The following THSD7A variants were observed in gnomAD, a reference collection of about 807,000 sequenced individuals.
THSD7A encodes thrombospondin type-1 domain-containing protein 7A.
Under a neutral mutation model 231.3 loss-of-function variants are expected in THSD7A, and 96 were observed. The observed-to-expected ratio is 0.41, with a 90% confidence interval of 0.35 to 0.49. THSD7A has a LOEUF of 0.49. THSD7A is among the 20% of genes least tolerant of loss of function. The pLI is 0.05. For synonymous variants in THSD7A, 940 were observed against 743.3 expected, an observed-to-expected ratio of 1.26 and a Z score of -4.30; for missense variants, 2,290 against 2,070.2, an observed-to-expected ratio of 1.11 and a Z score of -2.06.
chr7:11,574,215 G>A (rs1459108550), intron 4 of THSD7A, among the ~76,000 whole-genome samples: 4 of 150,860 alleles, frequency 2.7e-5, no homozygotes, highest in Non-Finnish European at 1.5e-5. Flanking sequence ...TCTGCATAGT[G>A]CTTATTGCTC....
intron 6 of THSD7A, among the ~76,000 whole-genome samples, chr7:11,490,603 T>G (rs564420062): frequency 6.6e-6 from 1 of 152,208 alleles, no homozygotes; most frequent in African/African-American, 2.4e-5. Flanking sequence ...GTATTTTGAA[T>G]AAAGGTGTGA....
At chr7:11,662,139 T>C (rs558587493) in intron 1 of THSD7A, among the ~76,000 whole-genome samples, 3 of 151,370 alleles carry the variant, frequency 2.0e-5, no homozygotes, top group Admixed American at 6.6e-5. Context: ...TTACATCAAA[T>C]GTAAGTTGAA....
chr7:11,491,016 C>T (rs1398084286), intron 6 of THSD7A, among the ~76,000 whole-genome samples: 1 of 152,064 alleles, frequency 6.6e-6, no homozygotes, highest in Non-Finnish European at 1.5e-5. Flanking sequence ...AATGGATCTG[C>T]TCCATTCTAA....
At chr7:11,682,429 AC>A (rs796483307) in intron 1 of THSD7A, among the ~76,000 whole-genome samples, 13 of 152,218 alleles carry the variant, frequency 8.5e-5, no homozygotes, top group African/African-American at 3.1e-4. Flanking sequence ...GAAACTGAAA[AC>A]AAAAAAGAGC....
chr7:11,508,131 A>T (rs996049681), intron 6 of THSD7A, among the ~76,000 whole-genome samples: 16 of 152,322 alleles, frequency 1.1e-4, no homozygotes, highest in African/African-American at 3.1e-4. Flanking sequence ...AACCACCCTC[A>T]TGATCCAATC....
At chr7:11,779,873 T>G (rs1783568134) in intron 1 of THSD7A, among the ~76,000 whole-genome samples, 1 of 152,232 alleles carries the variant, frequency 6.6e-6, no homozygotes, top group Non-Finnish European at 1.5e-5. Flanking sequence ...AGTAAAATAT[T>G]TCATCAAGTC....
At chr7:11,775,141 A>T (rs868459823) in intron 1 of THSD7A, among the ~76,000 whole-genome samples, 1 of 152,028 alleles carries the variant, frequency 6.6e-6, no homozygotes, top group African/African-American at 2.4e-5. Flanking sequence ...TAGTAAAAAG[A>T]AAAAAGAAAT....
intron 4 of THSD7A, among the ~76,000 whole-genome samples, chr7:11,573,780 T>C (rs935058093): frequency 1.3e-5 from 2 of 152,202 alleles, no homozygotes; most frequent in South Asian, 4.1e-4. Context: ...TACAGATTAG[T>C]CTGTAATCGT....
chr7:11,681,401 A>G (rs537043668), intron 1 of THSD7A, among the ~76,000 whole-genome samples: 126 of 151,970 alleles, frequency 8.3e-4, no homozygotes, highest in Non-Finnish European at 1.4e-3. Flanking sequence ...AAGAACAAAA[A>G]AGAAAGAACC....
At chr7:11,613,406 G>C (rs1233526270) in intron 2 of THSD7A, among the ~76,000 whole-genome samples, 1 of 152,184 alleles carries the variant, frequency 6.6e-6, no homozygotes, top group Non-Finnish European at 1.5e-5. Flanking sequence ...TTTAATACCA[G>C]CAGCTCTGAA....
chr7:11,662,363 C>G (rs1390213902), intron 1 of THSD7A, among the ~76,000 whole-genome samples: 2 of 151,318 alleles, frequency 1.3e-5, no homozygotes, highest in Admixed American at 1.3e-4. Flanking sequence ...GGATGAATCA[C>G]TTCTAAATTT....
intron 1 of THSD7A, among the ~76,000 whole-genome samples, chr7:11,694,805 T>G (rs1472119494): frequency 6.6e-6 from 1 of 151,578 alleles, no homozygotes; most frequent in African/African-American, 2.4e-5. Flanking sequence ...ATACTCCATC[T>G]CCTACAAATA....
Position 11,375,852 on chromosome 7 carries a change from C to G in THSD7A, c.4916G>C (p.Arg1639Thr), listed in dbSNP as rs768818431. 6.2e-7 allele frequency: 1 copy of G among 1,612,468 alleles called. No individual in the cohort carries two copies. The highest frequency in any genetic ancestry group is 2.2e-5 in the East Asian group (1 of 44,810). Residue 1639 changes from arginine to threonine, a missense_variant, in exon 28 of 28, where the codon AGG becomes ACG. By Grantham distance (71) the Arg-to-Thr change is moderately conservative. Transcript: ENST00000423059. Reference sequence around the variant, plus strand: ...TAAAGGTTTCAGTCGGTTGTTTTGCCTTCTTTGGGGTTTCTTTGGCTTTTT... The same window carrying G: ...TAAAGGTTTCAGTCGGTTGTTTTGCGTTCTTTGGGGTTTCTTTGGCTTTTT... ...ACKKPKKPQR[R>T]QNNRLKPLTL...
intron 1 of THSD7A, among the ~76,000 whole-genome samples, chr7:11,794,827 T>A (rs1035547136): frequency 1.3e-5 from 2 of 152,036 alleles, no homozygotes; most frequent in African/African-American, 2.4e-5. Flanking sequence ...ATTCTTTATG[T>A]CAGAGCACTG....
At chr7:11,422,459 T>A (rs1266119168) in intron 16 of THSD7A, among the ~76,000 whole-genome samples, 1 of 152,128 alleles carries the variant, frequency 6.6e-6, no homozygotes, top group Non-Finnish European at 1.5e-5. Context: ...GAAACATCAT[T>A]ACATGATTAG....
chr7:11,402,023 G>A (rs760963116), intron 22 of THSD7A, 55 bp from the exon 23 acceptor site: 51 of 1,504,432 alleles, frequency 3.4e-5, no homozygotes, highest in South Asian at 7.5e-5. Flanking sequence ...AAGCCAGCCC[G>A]ATAATCATTT....
chr7:11,781,035 A>AAAAAT (rs1185567161), intron 1 of THSD7A, among the ~76,000 whole-genome samples: 1 of 133,702 alleles, frequency 7.5e-6, no homozygotes, highest in Admixed American at 7.6e-5. Context: ...AAAAAAAAAA[A>AAAAAT]AAATTTATAG....
rs116298968 is a variant in THSD7A at position 11,598,654 on chromosome 7, C to T, written c.1023-5152G>A. On this transcript the variant is annotated intron_variant, in intron 2 of 27. Transcript: ENST00000423059. ...CAGGGCTGGGGCAAAGTTCTCCAGA[C>T]GGCCGTGAATGCTCTGAATCAGCAT... is the stretch of plus-strand genomic sequence containing the variant. Among the ~76,000 whole-genome samples the T allele has an allele frequency of 3.7e-3, 564 of 152,266 alleles. 2 individuals carry two copies. Among genetic ancestry groups the T allele is most frequent in the African/African-American group, 0.012 (515 of 41,542 alleles).
chr7:11,817,140 T>C (rs1784727007), intron 1 of THSD7A, among the ~76,000 whole-genome samples: 1 of 152,184 alleles, frequency 6.6e-6, no homozygotes, highest in Non-Finnish European at 1.5e-5. Context: ...CATGTGAAAG[T>C]AGGATATTCA....
Sources: gnomAD v4.1 joint callset for allele counts (sites outside exome capture counted in the v4.1 genomes callset) on GRCh38, gnomAD v4.1.1 for gene constraint, MANE v1.5 for transcripts, NCBI Gene and HGNC (gene_info 2026-07-23, HGNC 2026-07-21) for gene names.